The following SH3RF3 variants were observed in gnomAD, a reference collection of about 807,000 sequenced individuals.
SH3RF3 encodes the protein E3 ubiquitin-protein ligase SH3RF3.
A neutral mutation model predicts 66.3 loss-of-function variants in SH3RF3; 29 were observed. That is an observed-to-expected ratio of 0.44 (90% confidence interval 0.33 to 0.60). The LOEUF (loss-of-function observed/expected upper bound fraction) is 0.60. Ranked by LOEUF, SH3RF3 falls within the 20% of genes least tolerant of loss-of-function variation. SH3RF3 has a pLI of 0.04. For missense variants in SH3RF3, 1,194 were observed against 1,190.9 expected (o/e 1.00, Z -0.04); for synonymous variants, 583 against 532.0 (o/e 1.10, Z -1.32).
chr2:109,420,661 G>A lies in SH3RF3; in HGVS notation c.1403+1019G>A, dbSNP rs191020196. ...GGGGTTTCACCGTGTTAGCCAGGAT[G>A]GTCTCGATCTCCTGATCTCGTGATC... On this transcript the variant is annotated intron_variant, in intron 5 of 9. Transcript: ENST00000309415. 3.7e-3 allele frequency among the ~76,000 whole-genome samples: 561 copies of A among 152,270 alleles called. 5 individuals carry two copies. Among genetic ancestry groups the A allele is most frequent in the Middle Eastern group, 0.02 (6 of 294 alleles).
chr2:109,442,685 A>T (rs78387656), intron 7 of SH3RF3, among the ~76,000 whole-genome samples: 1 of 152,248 alleles, frequency 6.6e-6, no homozygotes, highest in African/African-American at 2.4e-5. Context: ...TAAAATAAAG[A>T]TGTAAGCAGT....
intron 5 of SH3RF3, among the ~76,000 whole-genome samples, chr2:109,429,519 A>T (rs1677130894): frequency 6.6e-6 from 1 of 152,096 alleles, no homozygotes; most frequent in Admixed American, 6.5e-5. Flanking sequence ...GCATCTCCCT[A>T]CGCGTTGGCC....
intron 1 of SH3RF3, among the ~76,000 whole-genome samples, chr2:109,306,353 G>T (rs756107430): frequency 1.3e-5 from 2 of 152,184 alleles, no homozygotes; most frequent in African/African-American, 2.4e-5. Context: ...CAACCCCTGC[G>T]CATACTCCAG....
At chr2:109,159,850 C>A (rs960717330) in intron 1 of SH3RF3, among the ~76,000 whole-genome samples, 19 of 152,164 alleles carry the variant, frequency 1.2e-4, no homozygotes, top group African/African-American at 4.6e-4. Context: ...CACTGTCTTC[C>A]GTCACCCTCA....
chr2:109,474,106 C>T (rs939254560), intron 8 of SH3RF3, among the ~76,000 whole-genome samples: 4 of 152,074 alleles, frequency 2.6e-5, no homozygotes, highest in Non-Finnish European at 4.4e-5. Context: ...CTGGGCCGGG[C>T]TGAGGAAGGT....
At chr2:109,277,090 G>A (rs905979097) in intron 1 of SH3RF3, among the ~76,000 whole-genome samples, 13 of 152,272 alleles carry the variant, frequency 8.5e-5, no homozygotes, top group African/African-American at 2.2e-4. Context: ...CCACGCCGGC[G>A]GTCCCTCAAC....
At position 109,501,985 on chromosome 2, in the gene SH3RF3, A is replaced by G. The variant is rs922820884; in HGVS notation, c.*314A>G. 3 of 303,646 alleles carry G rather than the reference A, an allele frequency of 9.9e-6. No homozygotes were observed. Among genetic ancestry groups the G allele is most frequent in the Admixed American group, 8.5e-5 (2 of 23,430 alleles). The allele number at this position is 303,646 out of a possible 1,614,324, so 18.8% of individuals were successfully genotyped here. On this transcript the variant is annotated 3_prime_UTR_variant, in exon 10 of 10. Coordinates refer to ENST00000309415, the MANE Select transcript of SH3RF3 (RefSeq NM_001099289.3). ...AGGCCTGTGGCTGTGGTTTGCAGCC[A>G]TGGCAGCGTTCTCATTTACCACCTA... is the stretch of plus-strand genomic sequence containing the variant.
chr2:109,251,390 C>T (rs1322488019), intron 1 of SH3RF3: 1 of 676,350 alleles, frequency 1.5e-6, no homozygotes, highest in Non-Finnish European at 2.8e-6. Flanking sequence ...CATTCCTTTC[C>T]AAGGCATCTG....
chr2:109,381,601 C>T (rs57942764), intron 3 of SH3RF3, among the ~76,000 whole-genome samples: 7,295 of 151,864 alleles, frequency 0.048, 401 homozygotes, highest in African/African-American at 0.13. Context: ...TTCTACCTTT[C>T]CTGCTTGAGT....
chr2:109,476,217 C>T (rs1283156837), intron 8 of SH3RF3, among the ~76,000 whole-genome samples: 2 of 152,226 alleles, frequency 1.3e-5, no homozygotes, highest in Non-Finnish European at 2.9e-5. Context: ...CTCAGCCCTG[C>T]CCCCACCAGG....
At chr2:109,400,485 G>T (rs139329026) in intron 4 of SH3RF3, among the ~76,000 whole-genome samples, 2 of 151,384 alleles carry the variant, frequency 1.3e-5, no homozygotes, top group African/African-American at 4.9e-5. Flanking sequence ...ACACACATGC[G>T]TACAGGTGCA....
chr2:109,429,138 C>T (rs963204439), intron 5 of SH3RF3, among the ~76,000 whole-genome samples: 12 of 152,248 alleles, frequency 7.9e-5, no homozygotes, highest in Admixed American at 5.2e-4. Context: ...GGGCCGGTCT[C>T]GGCACAAATT....
rs183056818 is a variant in SH3RF3 at position 109,368,997 on chromosome 2, C to T, written c.850-2589C>T. Among the ~76,000 whole-genome samples the T allele has an allele frequency of 3.2e-3, 488 of 152,102 alleles. 2 individuals carry two copies. Among genetic ancestry groups the T allele is most frequent in the Non-Finnish European group, 5.2e-3 (354 of 67,976 alleles). ...ACAGATTTCCGGAGCATTCTGTGGG[C>T]GCCTCCCCCAAGCCAGGGCCCCACT... On this transcript the variant is annotated intron_variant, in intron 2 of 9. Transcript: ENST00000309415.
intron 1 of SH3RF3, among the ~76,000 whole-genome samples, chr2:109,317,775 G>A (rs941499600): frequency 6.6e-6 from 1 of 152,204 alleles, no homozygotes; most frequent in African/African-American, 2.4e-5. Flanking sequence ...GAGTGCCTTT[G>A]TAGTGTCCTG....
In SH3RF3 at chr2:109,146,697, G is replaced by A. The variant is rs998646382; in HGVS notation, c.573+16584G>A. ...AAGTCAGGCTGGGACCCTGAGGAAG[G>A]GCCTGGATTGGGGGGCCCCATAGAG... On this transcript the variant is annotated intron_variant, in intron 1 of 9. Coordinates refer to ENST00000309415, the MANE Select transcript of SH3RF3 (RefSeq NM_001099289.3). Among the ~76,000 whole-genome samples the A allele has an allele frequency of 2.0e-5, 3 of 152,078 alleles. No homozygotes were observed. In the East Asian group the frequency reaches 5.8e-4, roughly 29 times the overall value.
At chr2:109,268,650 G>C (rs998482668) in intron 1 of SH3RF3, among the ~76,000 whole-genome samples, 2 of 152,100 alleles carry the variant, frequency 1.3e-5, no homozygotes, top group East Asian at 3.9e-4. Context: ...ACATTCAGTA[G>C]AATCTTTACT....
chr2:109,499,864 A>G (rs1000284420), intron 9 of SH3RF3, among the ~76,000 whole-genome samples: 1 of 152,188 alleles, frequency 6.6e-6, no homozygotes, highest in African/African-American at 2.4e-5. Flanking sequence ...GACATTTGCA[A>G]TGGGGAATAG....
intron 1 of SH3RF3, among the ~76,000 whole-genome samples, chr2:109,333,621 A>C (rs929503191): frequency 2.0e-5 from 3 of 152,216 alleles, no homozygotes; most frequent in African/African-American, 7.2e-5. Context: ...TACAGCTAAC[A>C]CTGATGGCCT....
intron 3 of SH3RF3, among the ~76,000 whole-genome samples, chr2:109,377,745 C>G (rs4074385): frequency 0.13 from 19,997 of 152,182 alleles, 1,467 homozygotes; most frequent in Middle Eastern, 0.23. Flanking sequence ...CTCATCAGAC[C>G]ACTGGGTTCT....
Sources: allele counts gnomAD v4.1 joint callset (sites outside exome capture counted in the v4.1 genomes callset), GRCh38; gene constraint gnomAD v4.1.1; transcripts MANE v1.5; gene names NCBI Gene and HGNC (gene_info 2026-07-23, HGNC 2026-07-21).